Variants in SVOPL observed in about 807,000 individuals in gnomAD.
The protein encoded by SVOPL is putative transporter SVOPL.
In SVOPL, 60 loss-of-function variants were observed where a neutral mutation model predicts 61.0. The observed-to-expected ratio is 0.98, with a 90% confidence interval of 0.80 to 1.22. SVOPL has a LOEUF of 1.22. SVOPL is among the 50% of genes most tolerant of loss of function. The pLI is 0.00. For synonymous variants in SVOPL, 279 were observed against 250.0 expected, an observed-to-expected ratio of 1.12 and a Z score of -1.09; for missense variants, 662 against 643.9, an observed-to-expected ratio of 1.03 and a Z score of -0.30.
chr7:138,608,659 T>C (rs1798861611), intron 14 of SVOPL, among the ~76,000 whole-genome samples: 1 of 152,110 alleles, frequency 6.6e-6, no homozygotes, highest in South Asian at 2.1e-4. Context: ...CACTTCCACG[T>C]GTATGTTATA....
intron 9 of SVOPL, among the ~76,000 whole-genome samples, chr7:138,643,410 G>C (rs1211825230): frequency 1.6e-5 from 2 of 124,234 alleles, no homozygotes; most frequent in African/African-American, 6.9e-5. Context: ...GGGCAAGAGT[G>C]AGACTCCATC....
At chr7:138,644,148 C>A (rs1800972621) in intron 9 of SVOPL, among the ~76,000 whole-genome samples, 1 of 129,522 alleles carries the variant, frequency 7.7e-6, no homozygotes, top group African/African-American at 2.9e-5. Context: ...TTGCAGTGAG[C>A]TGAGATCGTG....
chr7:138,638,811 T>G (rs1800631292), intron 9 of SVOPL, among the ~76,000 whole-genome samples: 1 of 152,110 alleles, frequency 6.6e-6, no homozygotes, highest in Non-Finnish European at 1.5e-5. Flanking sequence ...AGAAAGTACA[T>G]TAATTCCAAG....
chr7:138,636,470 A>AT (rs34209936), intron 9 of SVOPL, among the ~76,000 whole-genome samples: 12,351 of 142,848 alleles, frequency 0.086, 769 homozygotes, highest in East Asian at 0.22. Context: ...CTCTCATAGG[A>AT]TTTTTCTTTT....
chr7:138,646,375 A>C (rs1297938357), intron 8 of SVOPL: 1 of 189,532 alleles, frequency 5.3e-6, no homozygotes, highest in African/African-American at 2.4e-5. Context: ...ATTCATAGGT[A>C]TGTGGCCAAA....
chr7:138,638,813 A>C (rs1325101612), intron 9 of SVOPL, among the ~76,000 whole-genome samples: 1 of 152,236 alleles, frequency 6.6e-6, no homozygotes, highest in African/African-American at 2.4e-5. Context: ...AAAGTACATT[A>C]ATTCCAAGTT....
chr7:138,661,017 ATT>A (rs1273683757), intron 5 of SVOPL: 3 of 982,950 alleles, frequency 3.1e-6, no homozygotes, highest in Non-Finnish European at 3.6e-6. Context: ...GATAATTTGT[ATT>A]TCTTTTATAA....
chr7:138,663,346 C>A lies in SVOPL; in HGVS notation c.274-201G>T, dbSNP rs557992229. The A allele has an allele frequency of 1.5e-4, 216 of 1,422,534 alleles. No homozygotes were observed. In the African/African-American group the frequency reaches 2.9e-3, roughly 19 times the overall value. 88.1% of individuals were successfully genotyped at this position (1,422,534 alleles called of 1,614,324 possible). ...CAGCTCCCTGTTGGTGGGAGCCTAACAAGGCAGATCCTGCCCCAGGTGGAA... is the reference window on the plus strand; with the variant it reads ...CAGCTCCCTGTTGGTGGGAGCCTAAAAAGGCAGATCCTGCCCCAGGTGGAA... On this transcript the variant is annotated intron_variant, in intron 4 of 15. Coordinates refer to ENST00000674285, the MANE Select transcript of SVOPL (RefSeq NM_001139456.2).
intron 13 of SVOPL, among the ~76,000 whole-genome samples, chr7:138,625,586 A>T (rs1223036851): frequency 2.0e-5 from 3 of 152,224 alleles, no homozygotes; most frequent in Non-Finnish European, 4.4e-5. Context: ...CAAATAACAG[A>T]TGGAAGGAAA....
At chr7:138,655,899 G>A (rs981795219) in intron 7 of SVOPL, among the ~76,000 whole-genome samples, 3 of 152,186 alleles carry the variant, frequency 2.0e-5, no homozygotes, top group Admixed American at 6.5e-5. Flanking sequence ...TGATAAGGCA[G>A]TGGCACAGTT....
intron 3 of SVOPL, among the ~76,000 whole-genome samples, chr7:138,678,054 C>T (rs1022526387): frequency 4.6e-5 from 7 of 152,134 alleles, no homozygotes; most frequent in African/African-American, 1.7e-4. Context: ...GTGTCAGCCA[C>T]CGTGTGTGGC....
At chr7:138,685,720 C>T (rs143063618) in intron 1 of SVOPL, among the ~76,000 whole-genome samples, 3 of 151,648 alleles carry the variant, frequency 2.0e-5, no homozygotes, top group Non-Finnish European at 2.9e-5. Context: ...ATTAGCCAGG[C>T]GTGGTGGCGG....
intron 1 of SVOPL, among the ~76,000 whole-genome samples, chr7:138,700,249 T>C (rs1450456868): frequency 6.6e-6 from 1 of 151,976 alleles, no homozygotes; most frequent in Non-Finnish European, 1.5e-5. Flanking sequence ...AGGAACATTA[T>C]TGAGAGATAG....
At chr7:138,676,956 T>C (rs939915788) in intron 3 of SVOPL, among the ~76,000 whole-genome samples, 4 of 136,244 alleles carry the variant, frequency 2.9e-5, no homozygotes, top group Non-Finnish European at 6.1e-5. Context: ...AGGGCTGGAG[T>C]GCAGTGGCAC....
intron 15 of SVOPL, among the ~76,000 whole-genome samples, chr7:138,596,050 A>ATGG: frequency 6.6e-6 from 1 of 151,922 alleles, no homozygotes; most frequent in Non-Finnish European, 1.5e-5. Flanking sequence ...TTAGCCAGGC[A>ATGG]TGGTGGCACG....
intron 4 of SVOPL, chr7:138,664,355 CG>C: frequency 1.9e-6 from 1 of 540,512 alleles, no homozygotes; most frequent in Non-Finnish European, 2.4e-6. Flanking sequence ...ATCGGGCGTG[CG>C]CCTAACCCTC....
chr7:138,621,774 A>G (rs557624659), intron 13 of SVOPL, among the ~76,000 whole-genome samples: 68 of 131,580 alleles, frequency 5.2e-4, no homozygotes, highest in African/African-American at 1.9e-3. Flanking sequence ...GAATCTTAAC[A>G]GCATATTCTA....
intron 9 of SVOPL, among the ~76,000 whole-genome samples, chr7:138,639,598 C>T (rs1263428051): frequency 7.0e-5 from 10 of 142,306 alleles, no homozygotes; most frequent in Non-Finnish European, 1.1e-4. Flanking sequence ...ACAGCCTGGG[C>T]GACAGAGGGA....
chr7:138,648,657 G>A (rs1584831426), intron 8 of SVOPL, among the ~76,000 whole-genome samples: 1 of 151,890 alleles, frequency 6.6e-6, no homozygotes, highest in South Asian at 2.1e-4. Context: ...GCAGTGAGCC[G>A]AGGTCGCGCC....
Sources: allele counts gnomAD v4.1 joint callset (sites outside exome capture counted in the v4.1 genomes callset), GRCh38; gene constraint gnomAD v4.1.1; transcripts MANE v1.5; gene names NCBI Gene and HGNC (gene_info 2026-07-23, HGNC 2026-07-21).